The following PTPN4 variants were observed in gnomAD, a reference collection of about 807,000 sequenced individuals.
The protein encoded by PTPN4 is protein tyrosine phosphatase non-receptor type 4, also known as tyrosine-protein phosphatase non-receptor type 4.
In PTPN4, 49 loss-of-function variants were observed where a neutral mutation model predicts 135.5. That is an observed-to-expected ratio of 0.36 (90% CI 0.29 to 0.46). The LOEUF (loss-of-function observed/expected upper bound fraction) is 0.46, where lower values mean the gene tolerates loss of function less well. Ranked by LOEUF, PTPN4 falls within the 20% of genes least tolerant of loss-of-function variation. The pLI is 1.00. For missense variants in PTPN4, 860 were observed against 1,101.0 expected (o/e 0.78, Z 3.10); for synonymous variants, 333 against 369.9 (o/e 0.90, Z 1.14).
At chr2:119,952,211 T>G in intron 19 of PTPN4, 82 bp downstream of exon 19, 1 of 1,328,140 alleles carries the variant, frequency 7.5e-7, no homozygotes, top group Non-Finnish European at 1.0e-6. Flanking sequence ...ATTTCTGACA[T>G]AAAACATAAG....
chr2:119,802,192 C>T (rs966075475), intron 1 of PTPN4, among the ~76,000 whole-genome samples: 8 of 152,108 alleles, frequency 5.3e-5, no homozygotes, highest in African/African-American at 1.4e-4. Context: ...CCACCGTGCC[C>T]GGCGCTCCTC....
intron 1 of PTPN4, among the ~76,000 whole-genome samples, chr2:119,799,857 G>A (rs1177389562): frequency 1.3e-5 from 2 of 151,940 alleles, no homozygotes; most frequent in Non-Finnish European, 2.9e-5. Context: ...ATTATTTTCT[G>A]GTCAAGAAAA....
chr2:119,965,264 G>C (rs1679429340), intron 24 of PTPN4, among the ~76,000 whole-genome samples: 1 of 152,154 alleles, frequency 6.6e-6, no homozygotes, highest in Non-Finnish European at 1.5e-5. Flanking sequence ...GAGCAGTTAA[G>C]GGGAACTATA....
chr2:119,786,934 T>G (rs568402098), intron 1 of PTPN4, among the ~76,000 whole-genome samples: 11 of 152,320 alleles, frequency 7.2e-5, no homozygotes, highest in Admixed American at 7.2e-4. Flanking sequence ...GGCTTTAGGT[T>G]GGGCACTTAC....
intron 15 of PTPN4, 57 bp downstream of exon 15, chr2:119,935,015 C>T (rs1461475881): frequency 1.3e-6 from 2 of 1,496,802 alleles, no homozygotes; most frequent in African/African-American, 2.8e-5. Context: ...AATTGCTTTA[C>T]TTAAAATAAT....
chr2:119,887,357 C>T (rs916364064), intron 9 of PTPN4, among the ~76,000 whole-genome samples: 1 of 152,098 alleles, frequency 6.6e-6, no homozygotes, highest in Non-Finnish European at 1.5e-5. Context: ...CATGGTGGTG[C>T]ATGCCTGTAG....
intron 22 of PTPN4, among the ~76,000 whole-genome samples, chr2:119,960,536 G>C (rs1679351650): frequency 6.6e-6 from 1 of 152,148 alleles, no homozygotes; most frequent in South Asian, 2.1e-4. Flanking sequence ...AGCACTTTGG[G>C]AGGCCAAAGC....
intron 10 of PTPN4, among the ~76,000 whole-genome samples, chr2:119,905,002 T>A (rs1678464247): frequency 1.5e-5 from 2 of 135,754 alleles, no homozygotes; most frequent in South Asian, 2.3e-4. Context: ...CTAGAGTAGA[T>A]GAGAAAAAGA....
chr2:119,876,897 ATGTGTGTG>A (rs3835789), intron 3 of PTPN4, among the ~76,000 whole-genome samples: 4,020 of 136,116 alleles, frequency 0.03, 184 homozygotes, highest in African/African-American at 0.096. Flanking sequence ...GCCCAAGAGC[ATGTGTGTG>A]TGTGTGTGTG....
chr2:119,904,528 C>T (rs957415129), intron 10 of PTPN4, among the ~76,000 whole-genome samples: 5 of 151,982 alleles, frequency 3.3e-5, no homozygotes, highest in Admixed American at 6.6e-5. Context: ...GACGTAGAGA[C>T]GTTAAGATAC....
intron 2 of PTPN4, among the ~76,000 whole-genome samples, chr2:119,839,736 T>C (rs990224826): frequency 6.6e-6 from 1 of 152,242 alleles, no homozygotes; most frequent in Admixed American, 6.5e-5. Flanking sequence ...TGTGAAATTA[T>C]TGTACAAAAT....
intron 2 of PTPN4, among the ~76,000 whole-genome samples, chr2:119,858,015 A>C (rs1677707061): frequency 6.6e-6 from 1 of 152,162 alleles, no homozygotes. Flanking sequence ...AATCTGGTTG[A>C]TTCTGGGACC....
At chr2:119,787,479 T>C (rs1029812319) in intron 1 of PTPN4, among the ~76,000 whole-genome samples, 2 of 152,228 alleles carry the variant, frequency 1.3e-5, no homozygotes, top group Non-Finnish European at 2.9e-5. Context: ...GAAGTAGTAT[T>C]GTCTAACACT....
At chr2:119,833,370 A>C (rs1677246673) in intron 2 of PTPN4, among the ~76,000 whole-genome samples, 1 of 152,028 alleles carries the variant, frequency 6.6e-6, no homozygotes, top group South Asian at 2.1e-4. Context: ...CTCTTGGTGT[A>C]TCTGCATGCC....
intron 2 of PTPN4, among the ~76,000 whole-genome samples, chr2:119,810,536 G>A (rs182488248): frequency 4.8e-4 from 73 of 152,208 alleles, no homozygotes; most frequent in Non-Finnish European, 6.5e-4. Flanking sequence ...CCTTTTGTAT[G>A]AATATACTAT....
At chr2:119,918,406 A>G (rs545118919) in intron 11 of PTPN4, among the ~76,000 whole-genome samples, 19 of 152,320 alleles carry the variant, frequency 1.2e-4, no homozygotes, top group African/African-American at 4.3e-4. Context: ...AATAGTATAG[A>G]CCATTATATA....
At chr2:119,975,723 T>TA (rs535821062) in intron 26 of PTPN4, among the ~76,000 whole-genome samples, 8 of 151,002 alleles carry the variant, frequency 5.3e-5, no homozygotes, top group South Asian at 2.1e-4. Context: ...AGACTCCGTC[T>TA]AAAAAAAAAT....
intron 1 of PTPN4, among the ~76,000 whole-genome samples, chr2:119,766,186 C>T (rs13015818): frequency 0.62 from 93,557 of 151,984 alleles, 30,321 homozygotes; most frequent in East Asian, 0.82. Flanking sequence ...CTTATCCCAA[C>T]GTGCTAAGAA....
chr2:119,856,355 C>T (rs1677680909), intron 2 of PTPN4, among the ~76,000 whole-genome samples: 1 of 152,310 alleles, frequency 6.6e-6, no homozygotes. Context: ...GAGCCATTTG[C>T]TATTACCCGA....
Sources: allele counts gnomAD v4.1 joint callset (sites outside exome capture counted in the v4.1 genomes callset), GRCh38; gene constraint gnomAD v4.1.1; transcripts MANE v1.5; gene names NCBI Gene and HGNC (gene_info 2026-07-23, HGNC 2026-07-21).